CFAP251: variants seen among roughly 807,000 people sequenced by gnomAD.
CFAP251 encodes cilia and flagella associated protein 251, also known as cilia- and flagella-associated protein 251.
In CFAP251, 93 loss-of-function variants were observed where a neutral mutation model predicts 126.7. That is an observed-to-expected ratio of 0.73 (90% CI 0.62 to 0.87). The LOEUF (loss-of-function observed/expected upper bound fraction) is 0.87. CFAP251 is among the 40% of genes least tolerant of loss of function. The probability of loss-of-function intolerance (pLI) is 0.00; values close to 1 mark genes in which losing one functional copy is unlikely to be tolerated. For synonymous variants in CFAP251, 503 were observed against 506.9 expected (o/e 0.99, Z 0.10); for missense variants, 1,287 against 1,389.2 (o/e 0.93, Z 1.17).
intron 21 of CFAP251, among the ~76,000 whole-genome samples, chr12:122,003,397 C>A (rs963860793): frequency 2.6e-5 from 4 of 151,856 alleles, no homozygotes; most frequent in Non-Finnish European, 5.9e-5. Context: ...CATAGCGAGA[C>A]CCCATCTCTA....
At chr12:121,934,005 C>T (rs1880792917) in intron 4 of CFAP251, among the ~76,000 whole-genome samples, 1 of 152,122 alleles carries the variant, frequency 6.6e-6, no homozygotes, top group Non-Finnish European at 1.5e-5. Context: ...TTGCCTTCAC[C>T]TCTAGGAGCC....
rs1456570546 is a variant in CFAP251 at position 121,971,516 on chromosome 12, C to T, written c.2771+3347C>T. ...TGAGTTTTCTCAGGGCCGGGGCCTG[C>T]ACTGAGTGAGTTCCATGTATCATCT... On this transcript the variant is annotated intron_variant, in intron 17 of 21. Transcript: ENST00000288912. 7.1e-6 allele frequency: 5 copies of T among 702,190 alleles called. No homozygotes were observed. In the Admixed American group the frequency reaches 8.0e-5, roughly 11 times the overall value. 43.5% of individuals were successfully genotyped at this position (702,190 alleles called of 1,614,324 possible). A position where few individuals can be genotyped will look rare whatever the true frequency, so the allele number is the denominator to read the frequency against.
chr12:121,956,446 A>G (rs576163012), intron 10 of CFAP251, among the ~76,000 whole-genome samples: 1 of 152,270 alleles, frequency 6.6e-6, no homozygotes, highest in South Asian at 2.1e-4. Context: ...AGGTATAAGT[A>G]TGTCCCATGC....
At chr12:121,968,389 C>T (rs1882222411) in intron 17 of CFAP251, among the ~76,000 whole-genome samples, 1 of 152,212 alleles carries the variant, frequency 6.6e-6, no homozygotes, top group South Asian at 2.1e-4. Context: ...GGCGATGTGA[C>T]AGCACCTTGG....
Position 121,923,857 on chromosome 12 carries a change from A to C in CFAP251, c.614A>C (p.Asn205Thr). Residue 205 changes from asparagine (N) to threonine (T), a missense_variant, in exon 3 of 22, where the codon AAC (asparagine) becomes ACC (threonine). Asn to Thr is a moderately conservative substitution (Grantham distance 65). Transcript: ENST00000288912. ...GQERRDLEPENREEGQERRVS... is the reference protein window; with the variant it reads ...GQERRDLEPETREEGQERRVS... ...GAAAGAAGGGACTTGGAGCCAGAAA[A>C]CAGAGAGGAGGGACAAGAAAGGAGA... The C allele has an allele frequency of 1.2e-6, 2 of 1,614,178 alleles. No individual in the cohort carries two copies. The highest frequency in any genetic ancestry group is 4.5e-5 in the East Asian group (2 of 44,876).
At chr12:121,973,419 C>A (rs1882385155) in intron 17 of CFAP251, among the ~76,000 whole-genome samples, 1 of 152,170 alleles carries the variant, frequency 6.6e-6, no homozygotes, top group South Asian at 2.1e-4. Context: ...GGGGTCAGAG[C>A]CCCCACACAG....
chr12:121,961,889 A>G, intron 14 of CFAP251, 89 bp from the exon 15 acceptor site: 1 of 1,355,156 alleles, frequency 7.4e-7, no homozygotes, highest in Non-Finnish European at 1.0e-6. Context: ...TGATAATTAT[A>G]AAGGCTGTCA....
chr12:121,956,381 T>C (rs1035062748), intron 10 of CFAP251, among the ~76,000 whole-genome samples: 6 of 152,228 alleles, frequency 3.9e-5, no homozygotes, highest in Admixed American at 1.3e-4. Context: ...GACTTTGCTT[T>C]AGATATACCT....
Position 122,003,757 on chromosome 12 carries a change from G to A in CFAP251, c.3443G>A (p.Gly1148Asp), listed in dbSNP as rs1196429901. The change falls in exon 22 of 22, where the codon GGT becomes GAT. Residue 1148 changes from glycine (G) to aspartate (D), a missense_variant. Transcript: ENST00000288912. ...ATTTCAGAAGATTCCGGCCAGGATG[G>A]TCAGTGAAGTTACCAGGAATGTTTA... Reference protein sequence around the residue: ...LTISEDSGQDGQ With the variant: ...LTISEDSGQDDQ 6.2e-7 allele frequency: 1 copy of A among 1,604,636 alleles called. No homozygotes were observed.
intron 3 of CFAP251, among the ~76,000 whole-genome samples, chr12:121,927,070 T>A (rs1592962231): frequency 1.3e-5 from 2 of 152,272 alleles, no homozygotes; most frequent in Non-Finnish European, 2.9e-5. Context: ...CCTATGTAAT[T>A]CCTGCCACAG....
intron 15 of CFAP251, among the ~76,000 whole-genome samples, chr12:121,964,893 ACT>A (rs545660552): frequency 1.3e-5 from 2 of 152,016 alleles, no homozygotes; most frequent in Non-Finnish European, 2.9e-5. Flanking sequence ...ACAGAGCTAG[ACT>A]CTGTCTTAAA....
Position 121,925,183 on chromosome 12 carries a change from A to G in CFAP251, c.747+1193A>G, listed in dbSNP as rs564717395. Among the ~76,000 whole-genome samples, 298 of 152,302 alleles carry G rather than the reference A, an allele frequency of 2.0e-3. 3 individuals are homozygous for G. The highest frequency in any genetic ancestry group is 6.8e-3 in the African/African-American group (283 of 41,556). ...AAGGTAATGGAGGAGTGAAAGCCGCAGTGAAAAGCCCCAGGCAGTCCAGAG... is the reference window on the plus strand; with the variant it reads ...AAGGTAATGGAGGAGTGAAAGCCGCGGTGAAAAGCCCCAGGCAGTCCAGAG... On this transcript the variant is annotated intron_variant, in intron 3 of 21. Transcript: ENST00000288912.
At chr12:121,970,090 A>G (rs537171996) in intron 17 of CFAP251, 1 of 418,204 alleles carries the variant, frequency 2.4e-6, no homozygotes, top group African/African-American at 2.2e-5. Context: ...TAGGGGAGAT[A>G]AAGATGATAA....
Position 122,003,883 on chromosome 12 carries a change from T to C in CFAP251, c.*119T>C. Reference sequence around the variant, plus strand: ...CCTCCCCCCTCTCATCTTTAGAACATTTAGACATTAAAGCAAGTTTCTGGT... The same window carrying C: ...CCTCCCCCCTCTCATCTTTAGAACACTTAGACATTAAAGCAAGTTTCTGGT... On this transcript the variant is annotated 3_prime_UTR_variant, in exon 22 of 22. Coordinates refer to ENST00000288912, the MANE Select transcript of CFAP251 (RefSeq NM_144668.6). 7.2e-6 allele frequency: 5 copies of C among 691,418 alleles called. No homozygotes were observed. The allele number at this position is 691,418 out of a possible 1,614,324, so 42.8% of individuals were successfully genotyped here.
In CFAP251 at chr12:121,968,080, G is replaced by T. The variant is rs755862765; in HGVS notation, c.2682G>T (p.Val894=). The change falls in exon 17 of 22, where the codon GTG becomes GTT. Residue 894 remains valine (V), a synonymous_variant. Transcript: ENST00000288912. ...CTATTGTTTGCCACCCGAACGGGGTGGCCGGCATGGCCGTTTCCTATGATG... is the reference window on the plus strand; with the variant it reads ...CTATTGTTTGCCACCCGAACGGGGTTGCCGGCATGGCCGTTTCCTATGATG... ...TSAIVCHPNG[V]AGMAVSYDGC... 1.2e-6 allele frequency: 2 copies of T among 1,613,676 alleles called. No homozygotes were observed. The highest frequency in any genetic ancestry group is 1.7e-6 in the Non-Finnish European group (2 of 1,179,720).
In CFAP251 at chr12:121,931,845, A is replaced by G; in HGVS notation, c.847A>G (p.Ile283Val). 6.2e-7 allele frequency: 1 copy of G among 1,604,096 alleles called. No individual in the cohort carries two copies. The highest frequency in any genetic ancestry group is 2.3e-5 in the East Asian group (1 of 44,036). ...VLLYVCAHTAIIYNVFRNNQY... is the reference protein window; with the variant it reads ...VLLYVCAHTAVIYNVFRNNQY... ...TCTGTATGTTTGTGCTCACACTGCG[A>G]TCATCTACAACGTGTTCAGGAACAA... The change falls in exon 4 of 22, where the codon ATC (isoleucine) becomes GTC (valine). Residue 283 changes from isoleucine (I) to valine (V), a missense_variant. Ile to Val is a conservative substitution (Grantham distance 29). Coordinates refer to ENST00000288912, the MANE Select transcript of CFAP251 (RefSeq NM_144668.6).
chr12:121,945,806 C>T (rs972889476), intron 7 of CFAP251, among the ~76,000 whole-genome samples: 2 of 151,878 alleles, frequency 1.3e-5, no homozygotes, highest in African/African-American at 4.8e-5. Context: ...GCTGGGACTA[C>T]AGGCGCCCAC....
At chr12:121,926,692 C>T (rs1251455096) in intron 3 of CFAP251, among the ~76,000 whole-genome samples, 1 of 152,150 alleles carries the variant, frequency 6.6e-6, no homozygotes, top group Admixed American at 6.5e-5. Flanking sequence ...CACCTGTAAT[C>T]CCAGCACTTT....
At chr12:121,943,175 T>C (rs1881192356) in intron 7 of CFAP251, among the ~76,000 whole-genome samples, 200 bp downstream of exon 7, 1 of 152,026 alleles carries the variant, frequency 6.6e-6, no homozygotes, top group Admixed American at 6.5e-5. Context: ...TCCCTGGGTG[T>C]GGTGGCACAT....
Sources: allele counts gnomAD v4.1 joint callset (sites outside exome capture counted in the v4.1 genomes callset), GRCh38; gene constraint gnomAD v4.1.1; transcripts MANE v1.5; gene names NCBI Gene and HGNC (gene_info 2026-07-23, HGNC 2026-07-21).